The following IFT74 variants were observed in gnomAD, a reference collection of about 807,000 sequenced individuals.
IFT74 encodes intraflagellar transport 74.
A neutral mutation model predicts 96.7 loss-of-function variants in IFT74; 92 were observed. The ratio of observed to expected loss-of-function variants is 0.95; its 90% CI spans 0.80 to 1.13. The LOEUF is 1.13. Among genes scored for constraint, IFT74 ranks in the 50% most tolerant of loss-of-function variants. The probability of loss-of-function intolerance (pLI) is 0.00; values close to 1 mark genes in which losing one functional copy is unlikely to be tolerated. For missense variants in IFT74, 811 were observed against 698.2 expected (o/e 1.16, Z -1.82); for synonymous variants, 223 against 213.2 (o/e 1.05, Z -0.40).
chr9:26,984,020 G>C, intron 4 of IFT74: 1 of 285,112 alleles, frequency 3.5e-6, no homozygotes, highest in Non-Finnish European at 6.5e-6. Flanking sequence ...CTGACCTCAC[G>C]TGATGCGCCT....
intron 2 of IFT74, among the ~76,000 whole-genome samples, chr9:26,969,360 A>C (rs1480913785): frequency 6.6e-6 from 1 of 150,778 alleles, no homozygotes; most frequent in Non-Finnish European, 1.5e-5. Flanking sequence ...ACTGTTTTTG[A>C]TTTGAAGATG....
intron 11 of IFT74, among the ~76,000 whole-genome samples, chr9:27,017,481 C>G (rs1829404558): frequency 6.6e-6 from 1 of 152,156 alleles, no homozygotes; most frequent in Non-Finnish European, 1.5e-5. Flanking sequence ...TTCAGCCTCT[C>G]CAAGTGTTGG....
rs760766353 is a variant in IFT74, at chr9:27,055,729, A to G, written c.1454A>G (p.Asn485Ser). Reference sequence around the variant, plus strand: ...ATGACAACTGATCTGGAGATATATAATGATTTGCCAGCTTTAAAATCATCA... The same window carrying G: ...ATGACAACTGATCTGGAGATATATAGTGATTTGCCAGCTTTAAAATCATCA... ...KQMTTDLEIYNDLPALKSSGE... is the reference protein window; with the variant it reads ...KQMTTDLEIYSDLPALKSSGE... The change falls in exon 17 of 20, where the codon AAT (asparagine) becomes AGT (serine). Residue 485 changes from asparagine (N) to serine (S), a missense_variant. Physicochemically the swap from Asn to Ser is conservative, Grantham distance 46. Transcript: ENST00000380062. The G allele has an allele frequency of 3.2e-6, 5 of 1,569,860 alleles. No homozygotes were observed. The highest frequency in any genetic ancestry group is 4.3e-6 in the Non-Finnish European group (5 of 1,163,648).
chr9:26,999,617 T>C (rs1828365400), intron 8 of IFT74: 1 of 1,592,862 alleles, frequency 6.3e-7, no homozygotes, highest in Non-Finnish European at 8.6e-7. Flanking sequence ...AACTTACTCT[T>C]TTAGAAGACT....
At chr9:26,979,798 C>T (rs553452547) in intron 3 of IFT74, among the ~76,000 whole-genome samples, 10 of 148,014 alleles carry the variant, frequency 6.8e-5, no homozygotes, top group South Asian at 2.2e-4. Context: ...CTGCAACCTC[C>T]GCATCCCAGA....
upstream of IFT74, among the ~76,000 whole-genome samples, chr9:26,954,543 G>C (rs775338086): frequency 6.6e-6 from 1 of 151,136 alleles, no homozygotes; most frequent in Non-Finnish European, 1.5e-5. Flanking sequence ...GATAGGAATA[G>C]TACAGGGTGC....
intron 8 of IFT74, chr9:26,998,051 T>C: frequency 6.2e-7 from 1 of 1,613,582 alleles, no homozygotes; most frequent in Non-Finnish European, 8.5e-7. Context: ...ACCAAAACCG[T>C]TATTATGTAA....
intron 4 of IFT74, chr9:26,984,006 GCTC>G: frequency 3.8e-6 from 1 of 259,812 alleles, no homozygotes; most frequent in South Asian, 4.7e-5. Flanking sequence ...CTTGTCTTGA[GCTC>G]CTGACCTCAC....
At chr9:27,042,395 C>T (rs1380800111) in intron 13 of IFT74, among the ~76,000 whole-genome samples, 1 of 151,872 alleles carries the variant, frequency 6.6e-6, no homozygotes, top group Non-Finnish European at 1.5e-5. Context: ...CCCTCCCATC[C>T]CCGCAAAAAG....
chr9:26,980,620 G>C lies in IFT74; in HGVS notation c.305+1G>C. ...AATCTTACTATCTTGGGCTTCTTAG[G>C]TATGTTAAACATATCTTTTCATCCG... On this transcript the variant is annotated splice_donor_variant, in intron 4 of 19. Coordinates refer to ENST00000380062, the MANE Select transcript of IFT74 (RefSeq NM_025103.4). LOFTEE classifies it high-confidence loss of function. 1 of 1,582,250 alleles carries C rather than the reference G, an allele frequency of 6.3e-7. No homozygotes were observed. Among genetic ancestry groups the C allele is most frequent in the Non-Finnish European group, 8.7e-7 (1 of 1,152,168 alleles).
At chr9:26,995,591 A>T (rs762244705) in intron 8 of IFT74, 1 of 1,604,332 alleles carries the variant, frequency 6.2e-7, no homozygotes, top group Non-Finnish European at 8.5e-7. Context: ...ATCTACCACA[A>T]ATGAATGTAA....
intron 13 of IFT74, among the ~76,000 whole-genome samples, chr9:27,043,952 A>C (rs1047183107): frequency 2.0e-5 from 3 of 152,176 alleles, no homozygotes; most frequent in Non-Finnish European, 4.4e-5. Context: ...ATATTTTTCA[A>C]AATTGCAAAC....
At chr9:27,055,516 T>TA in intron 16 of IFT74, 93 bp from the exon 17 acceptor site, 1 of 849,672 alleles carries the variant, frequency 1.2e-6, no homozygotes, top group Admixed American at 3.5e-5. Flanking sequence ...CAGATATTCT[T>TA]AAAAAACATG....
intron 1 of IFT74, among the ~76,000 whole-genome samples, chr9:26,961,066 CAGA>C (rs1667560569): frequency 6.8e-6 from 1 of 146,110 alleles, no homozygotes; most frequent in Non-Finnish European, 1.5e-5. Context: ...CCCAGATCCT[CAGA>C]AGAAGTGAAT....
chr9:26,976,503 G>A, intron 2 of IFT74: 1 of 306,506 alleles, frequency 3.3e-6, no homozygotes, highest in Non-Finnish European at 6.4e-6. Context: ...GACCCAATTG[G>A]CTAAACATTT....
At chr9:27,018,038 A>G (rs78663837) in intron 11 of IFT74, among the ~76,000 whole-genome samples, 4,858 of 152,294 alleles carry the variant, frequency 0.032, 257 homozygotes, top group African/African-American at 0.11. Flanking sequence ...TATTAAATCT[A>G]GAACCTGTGT....
intron 14 of IFT74, 116 bp downstream of exon 14, chr9:27,044,911 G>C (rs989821974): frequency 3.5e-6 from 2 of 576,162 alleles, no homozygotes; most frequent in African/African-American, 3.8e-5. Flanking sequence ...CAGAAGTGTG[G>C]ACATTCAAAG....
At chr9:27,049,874 T>C (rs951022835) in intron 16 of IFT74, among the ~76,000 whole-genome samples, 2 of 152,162 alleles carry the variant, frequency 1.3e-5, no homozygotes, top group Non-Finnish European at 2.9e-5. Context: ...GTATATATTA[T>C]ATTTATATAA....
At chr9:26,953,889 T>G (rs1277042568), upstream of IFT74, among the ~76,000 whole-genome samples, 1 of 152,188 alleles carries the variant, frequency 6.6e-6, no homozygotes, top group Non-Finnish European at 1.5e-5. Context: ...TTTTCTTCTG[T>G]GCACCCTGGG....
Sources: allele counts gnomAD v4.1 joint callset (sites outside exome capture counted in the v4.1 genomes callset), GRCh38; gene constraint gnomAD v4.1.1; transcripts MANE v1.5; gene names NCBI Gene and HGNC (gene_info 2026-07-23, HGNC 2026-07-21).